The following TENM4 variants were observed in gnomAD, a reference collection of about 807,000 sequenced individuals.
The protein encoded by TENM4 is teneurin-4.
TENM4 carries 82 observed loss-of-function variants against 243.3 expected under a neutral mutation model. That is an observed-to-expected ratio of 0.34 (90% CI 0.28 to 0.40). The LOEUF (loss-of-function observed/expected upper bound fraction) is 0.40. Ranked by LOEUF, TENM4 falls within the 10% of genes least tolerant of loss-of-function variation. The probability of loss-of-function intolerance (pLI) is 1.00; values close to 1 mark genes in which losing one functional copy is unlikely to be tolerated. For synonymous variants in TENM4, 1,412 were observed against 1,456.3 expected (o/e 0.97, Z 0.69); for missense variants, 3,138 against 3,673.3 (o/e 0.85, Z 3.77).
chr11:78,744,456 A>G lies in TENM4; in HGVS notation c.2757-5886T>C, dbSNP rs1422870745. On this transcript the variant is annotated intron_variant, in intron 19 of 33. Transcript: ENST00000278550. ...TGAGAAAATAAAGTTCAGACAGGGA[A>G]TGGACTTGCCCATTCTTGCAGACTT... is the stretch of plus-strand genomic sequence containing the variant. Among the ~76,000 whole-genome samples the G allele has an allele frequency of 3.9e-5, 6 of 152,230 alleles. No homozygotes were observed. In the East Asian group the frequency reaches 1.2e-3, roughly 29 times the overall value.
chr11:79,405,005 T>C (rs1858538217), intron 1 of TENM4, among the ~76,000 whole-genome samples: 1 of 152,194 alleles, frequency 6.6e-6, no homozygotes, highest in Admixed American at 6.5e-5. Context: ...TGTGCACATG[T>C]GCATTTGTTG....
At chr11:78,898,266 C>T (rs912203321) in intron 7 of TENM4, among the ~76,000 whole-genome samples, 2 of 152,084 alleles carry the variant, frequency 1.3e-5, no homozygotes, top group African/African-American at 4.8e-5. Context: ...TTACCAAAGC[C>T]CTCTCTCTTC....
intron 16 of TENM4, among the ~76,000 whole-genome samples, chr11:78,784,215 T>C (rs1220717484): frequency 6.6e-6 from 1 of 152,242 alleles, no homozygotes; most frequent in African/African-American, 2.4e-5. Context: ...GTTTTTTTCT[T>C]TTCCTAAATG....
intron 3 of TENM4, among the ~76,000 whole-genome samples, chr11:79,195,316 C>T (rs1281759768): frequency 6.6e-6 from 1 of 152,168 alleles, no homozygotes; most frequent in Non-Finnish European, 1.5e-5. Flanking sequence ...ACTACTGGAG[C>T]TGTGAGAAGA....
intron 1 of TENM4, among the ~76,000 whole-genome samples, chr11:79,305,295 G>C (rs79242227): frequency 0.012 from 1,770 of 152,298 alleles, 13 homozygotes; most frequent in Non-Finnish European, 0.02. Flanking sequence ...GCTGATGTGA[G>C]AATTAGCATT....
intron 6 of TENM4, among the ~76,000 whole-genome samples, chr11:79,043,773 A>G (rs1433322596): frequency 6.6e-6 from 1 of 152,216 alleles, no homozygotes; most frequent in Non-Finnish European, 1.5e-5. Context: ...TCCGGAGTCA[A>G]AAGAAAATAG....
chr11:78,975,171 G>A (rs536661763), intron 6 of TENM4, among the ~76,000 whole-genome samples: 10 of 145,736 alleles, frequency 6.9e-5, no homozygotes, highest in Non-Finnish European at 1.1e-4. Context: ...GAGGTATTGG[G>A]GTATGGGGGT....
intron 4 of TENM4, among the ~76,000 whole-genome samples, chr11:79,126,185 TA>T (rs1304260025): frequency 6.6e-6 from 1 of 152,178 alleles, no homozygotes; most frequent in Non-Finnish European, 1.5e-5. Flanking sequence ...TCCCTTGGTT[TA>T]ATGTAGAGGA....
At chr11:79,258,499 A>G (rs1855738814) in intron 2 of TENM4, among the ~76,000 whole-genome samples, 1 of 152,194 alleles carries the variant, frequency 6.6e-6, no homozygotes, top group Non-Finnish European at 1.5e-5. Flanking sequence ...GGGCCAGGAC[A>G]GGGCTTTATT....
chr11:79,047,853 A>G (rs946407021), intron 6 of TENM4, among the ~76,000 whole-genome samples: 1 of 152,230 alleles, frequency 6.6e-6, no homozygotes, highest in Admixed American at 6.5e-5. Context: ...ATGAAATGAG[A>G]TAGTGTATTT....
At chr11:79,423,708 A>G (rs1858988388) in intron 1 of TENM4, among the ~76,000 whole-genome samples, 1 of 151,908 alleles carries the variant, frequency 6.6e-6, no homozygotes, top group South Asian at 2.1e-4. Flanking sequence ...CCAGAACCAA[A>G]TCTCCTGTTT....
chr11:78,781,202 T>C (rs569112436), intron 16 of TENM4, among the ~76,000 whole-genome samples: 1 of 152,310 alleles, frequency 6.6e-6, no homozygotes, highest in Non-Finnish European at 1.5e-5. Flanking sequence ...TGTTTAAAAA[T>C]TCATGATTTT....
At chr11:79,356,655 A>G (rs1014439930) in intron 1 of TENM4, among the ~76,000 whole-genome samples, 1 of 152,154 alleles carries the variant, frequency 6.6e-6, no homozygotes, top group Non-Finnish European at 1.5e-5. Context: ...ATAGATAACG[A>G]AAGGGCTTTG....
At chr11:79,215,973 C>G (rs1025255010) in intron 2 of TENM4, 64 bp from the exon 3 acceptor site, 13 of 484,070 alleles carry the variant, frequency 2.7e-5, no homozygotes, top group Non-Finnish European at 3.5e-5. Context: ...TCCTTTCTCA[C>G]AGACCCTCCG....
intron 6 of TENM4, among the ~76,000 whole-genome samples, chr11:78,905,511 CA>C (rs1267373687): frequency 6.6e-6 from 1 of 152,200 alleles, no homozygotes; most frequent in East Asian, 1.9e-4. Flanking sequence ...CTTATTAATA[CA>C]AAACCCTCCG....
intron 2 of TENM4, among the ~76,000 whole-genome samples, chr11:79,276,666 C>T (rs955559333): frequency 7.9e-5 from 12 of 152,262 alleles, no homozygotes; most frequent in East Asian, 3.9e-4. Context: ...GAACCCACCC[C>T]TCCAGGACTC....
At chr11:78,767,671 ACT>A (rs1371858969) in intron 18 of TENM4, among the ~76,000 whole-genome samples, 1 of 152,030 alleles carries the variant, frequency 6.6e-6, no homozygotes, top group Non-Finnish European at 1.5e-5. Context: ...TCAACATTAA[ACT>A]CTGTTAATTT....
intron 3 of TENM4, among the ~76,000 whole-genome samples, chr11:79,166,876 A>G (rs993164540): frequency 7.2e-5 from 11 of 152,210 alleles, no homozygotes; most frequent in African/African-American, 2.4e-4. Context: ...AGCATGAACA[A>G]TGGTTGAGAG....
chr11:79,341,473 G>A lies in TENM4; in HGVS notation c.-320-43930C>T, dbSNP rs189863663. On this transcript the variant is annotated intron_variant, in intron 1 of 33. Coordinates refer to ENST00000278550, the MANE Select transcript of TENM4 (RefSeq NM_001098816.3). ...TACTAGATCCCCAGTTTACAGAGGAGGAAAGTGAAGAGCACAGAAGTGAAG... is the reference window on the plus strand; with the variant it reads ...TACTAGATCCCCAGTTTACAGAGGAAGAAAGTGAAGAGCACAGAAGTGAAG... 3.3e-5 allele frequency among the ~76,000 whole-genome samples: 5 copies of A among 152,326 alleles called. No homozygotes were observed. In the East Asian group the frequency reaches 9.7e-4, roughly 29 times the overall value.
Sources: gnomAD v4.1 joint callset for allele counts (sites outside exome capture counted in the v4.1 genomes callset) on GRCh38, gnomAD v4.1.1 for gene constraint, MANE v1.5 for transcripts, NCBI Gene and HGNC (gene_info 2026-07-23, HGNC 2026-07-21) for gene names.